The following GBX2 variants were observed in gnomAD, a reference collection of about 807,000 sequenced individuals.
The protein encoded by GBX2 is gastrulation brain homeobox 2.
GBX2 carries 5 observed loss-of-function variants against 22.4 expected under a neutral mutation model. That is an observed-to-expected ratio of 0.22 (90% CI 0.12 to 0.47). The LOEUF is 0.47. GBX2 is among the 20% of genes least tolerant of loss of function. The probability of loss-of-function intolerance (pLI) is 0.99; values close to 1 mark genes in which losing one functional copy is unlikely to be tolerated. For missense variants in GBX2, 470 were observed against 495.4 expected (o/e 0.95, Z 0.49); for synonymous variants, 220 against 230.5 (o/e 0.95, Z 0.41).
chr2:236,165,900 G>A lies in GBX2; in HGVS notation c.*14C>T. ...TTCTCCAGGTGGGTGCCAGGCCCTG[G>A]CCCTTCTGGACCCTCAGGGCCGGGC... On this transcript the variant is annotated 3_prime_UTR_variant, in exon 2 of 2. Coordinates refer to ENST00000306318, the MANE Select transcript of GBX2 (RefSeq NM_001485.4). 6.3e-7 allele frequency: 1 copy of A among 1,596,144 alleles called. No individual in the cohort carries two copies. The highest frequency in any genetic ancestry group is 8.5e-7 in the Non-Finnish European group (1 of 1,170,548).
Position 236,167,770 on chromosome 2 carries a change from CCTGGGGCAGCGCGGG to C in GBX2, c.187_201del (p.Pro63_Gln67del). On this transcript the variant is annotated inframe_deletion, in exon 1 of 2. Coordinates refer to ENST00000306318, the MANE Select transcript of GBX2 (RefSeq NM_001485.4). ...GGCGGCAGCGCTGGCTGCAGCGCGG[CCTGGGGCAGCGCGGG>C]CGGCGGCGGCGGCGGCGGCGGCAGC... is the stretch of plus-strand genomic sequence containing the variant. 1.4e-6 allele frequency: 2 copies of C among 1,439,720 alleles called. No individual in the cohort carries two copies. Among genetic ancestry groups the C allele is most frequent in the South Asian group, 3.1e-5 (2 of 63,826 alleles). The allele number at this position is 1,439,720 out of a possible 1,614,324, so 89.2% of individuals were successfully genotyped here. A position where few individuals can be genotyped will look rare whatever the true frequency, so the allele number is the denominator to read the frequency against.
Position 236,168,036 on chromosome 2 carries a change from C to T in GBX2, c.-65G>A, listed in dbSNP as rs529101212. On this transcript the variant is annotated 5_prime_UTR_variant, in exon 1 of 2. Transcript: ENST00000306318. Reference sequence around the variant, plus strand: ...CCGCGCCGCGCCGCCGCCGGGAAGCCCGCCGGACGCCGGGAGCACCGCCGG... The same window carrying T: ...CCGCGCCGCGCCGCCGCCGGGAAGCTCGCCGGACGCCGGGAGCACCGCCGG... 5.0e-3 allele frequency: 6,725 copies of T among 1,357,144 alleles called. 24 individuals are homozygous for T. Among genetic ancestry groups the T allele is most frequent in the Non-Finnish European group, 5.7e-3 (6,009 of 1,057,752 alleles). The allele number at this position is 1,357,144 out of a possible 1,614,324, so 84.1% of individuals were successfully genotyped here.
Position 236,167,643 on chromosome 2 carries a change from C to A in GBX2, c.329G>T (p.Gly110Val), listed in dbSNP as rs368198659. 5.0e-6 allele frequency: 8 copies of A among 1,593,130 alleles called. No homozygotes were observed. Among genetic ancestry groups the A allele is most frequent in the Non-Finnish European group, 6.8e-6 (8 of 1,174,782 alleles). ...GTGCTGGGGCGACGCGGAGAAGCCG[C>A]CGGGGAGCGTGGCCATGAGCGTAGA... ...LTSTLMATLP[G>V]GFSASPQHQE... The change falls in exon 1 of 2, where the codon GGC becomes GTC. Residue 110 changes from glycine to valine, a missense_variant. Transcript: ENST00000306318.
intron 1 of GBX2, chr2:236,167,209 C>T (rs974791736): frequency 2.0e-6 from 3 of 1,534,180 alleles, no homozygotes; most frequent in African/African-American, 2.7e-5. Flanking sequence ...GATATGTGGC[C>T]CAGGGCAGCA....
intron 1 of GBX2, chr2:236,167,098 C>T: frequency 9.2e-6 from 14 of 1,525,456 alleles, no homozygotes; most frequent in Non-Finnish European, 1.2e-5. Context: ...ACGGCTGAGA[C>T]GCGCAGCCCA....
rs2060235910 is a variant in GBX2, at chr2:236,165,871, G to A, written c.*43C>T. ...CCACCATGGGTTCCCTCGGGTGCGG[G>A]GGCTTCTCCAGGTGGGTGCCAGGCC... On this transcript the variant is annotated 3_prime_UTR_variant, in exon 2 of 2. Transcript: ENST00000306318. The A allele has an allele frequency of 4.0e-6, 6 of 1,507,000 alleles. No individual in the cohort carries two copies. In the South Asian group the frequency reaches 5.0e-5, roughly 12 times the overall value. 93.4% of individuals were successfully genotyped at this position (1,507,000 alleles called of 1,614,324 possible).
In GBX2 at chr2:236,166,627, G is replaced by C. The variant is rs1024095096; in HGVS notation, c.524-190C>G. On this transcript the variant is annotated intron_variant, in intron 1 of 1. Coordinates refer to ENST00000306318, the MANE Select transcript of GBX2 (RefSeq NM_001485.4). The surrounding 1 kb of genome is among the most constrained non-coding windows in gnomAD (Gnocchi z 6.6). ...GGAGGGGTGGGGGGAGCGTGAGAAA[G>C]CTCAAAGGAGAGGAGGCAGTACAGG... 2.6e-5 allele frequency among the ~76,000 whole-genome samples: 4 copies of C among 151,964 alleles called. No homozygotes were observed. Among genetic ancestry groups the C allele is most frequent in the Admixed American group, 1.3e-4 (2 of 15,258 alleles).
chr2:236,167,304 C>G (rs2060245620), intron 1 of GBX2, 145 bp downstream of exon 1: 1 of 1,392,540 alleles, frequency 7.2e-7, no homozygotes, highest in Non-Finnish European at 9.8e-7. Context: ...CCCAGCGGCA[C>G]AGCCGGGCCT....
In GBX2 at chr2:236,168,300, C is replaced by CGTCCGTCT. The variant is rs138852244; in HGVS notation, c.-330_-329insAGACGGAC. Reference sequence around the variant, plus strand: ...CCCGGTAAGCTGCCGTCCGTCCGTCCGTCCCGCCGTCCGTCGCCTCCCGCG... The same window carrying CGTCCGTCT: ...CCCGGTAAGCTGCCGTCCGTCCGTCCGTCCGTCTGTCCCGCCGTCCGTCGCCTCCCGCG... On this transcript the variant is annotated 5_prime_UTR_variant, in exon 1 of 2. Transcript: ENST00000306318. The CGTCCGTCT allele has an allele frequency of 0.39, 68,573 of 173,638 alleles. 15,638 individuals carry two copies. Among genetic ancestry groups the CGTCCGTCT allele is most frequent in the African/African-American group, 0.65 (27,330 of 42,130 alleles). The allele number at this position is 173,638 out of a possible 1,614,324, so 10.8% of individuals were successfully genotyped here.
At chr2:236,164,660 G>T (rs780587410), downstream of GBX2, among the ~76,000 whole-genome samples, 3 of 152,154 alleles carry the variant, frequency 2.0e-5, no homozygotes, top group African/African-American at 4.8e-5. Flanking sequence ...CCGCCCGGAG[G>T]GGGAGGTGCC....
chr2:236,168,140 C>A lies in GBX2; in HGVS notation c.-169G>T, dbSNP rs1376588024. 11 of 658,796 alleles carry A rather than the reference C, an allele frequency of 1.7e-5. No homozygotes were observed. The East Asian group carries it at 2.8e-4, about 17-fold the overall frequency. 40.8% of individuals were successfully genotyped at this position (658,796 alleles called of 1,614,324 possible). A position where few individuals can be genotyped will look rare whatever the true frequency, so the allele number is the denominator to read the frequency against. ...AGTCCTGGGCCCGCTGCATGCCGGGCGGGTGCAGGGGGTGTGCGGGGTGAG... is the reference window on the plus strand; with the variant it reads ...AGTCCTGGGCCCGCTGCATGCCGGGAGGGTGCAGGGGGTGTGCGGGGTGAG... On this transcript the variant is annotated 5_prime_UTR_variant, in exon 1 of 2. Transcript: ENST00000306318.
downstream of GBX2, among the ~76,000 whole-genome samples, chr2:236,162,897 C>A (rs1438202171): frequency 2.6e-5 from 4 of 152,136 alleles, no homozygotes; most frequent in Non-Finnish European, 5.9e-5. Context: ...ATTCTTCAGG[C>A]CCCCCCATCA....
downstream of GBX2, among the ~76,000 whole-genome samples, chr2:236,164,383 C>T (rs2060226460): frequency 1.3e-5 from 2 of 152,132 alleles, no homozygotes; most frequent in Admixed American, 6.5e-5. Flanking sequence ...GCTGAACGCC[C>T]CTGGGCCTGT....
At chr2:236,161,467 T>C (rs900729811), downstream of GBX2, among the ~76,000 whole-genome samples, 1 of 152,226 alleles carries the variant, frequency 6.6e-6, no homozygotes, top group East Asian at 1.9e-4. Context: ...GTTACCAAGA[T>C]CATATTTCTC....
chr2:236,163,886 T>C (rs1020095528), downstream of GBX2, among the ~76,000 whole-genome samples: 5 of 152,164 alleles, frequency 3.3e-5, no homozygotes, highest in Middle Eastern at 3.4e-3. Context: ...ATCCCCTCCC[T>C]GCCAGGCTTC....
downstream of GBX2, among the ~76,000 whole-genome samples, chr2:236,164,252 C>A (rs970444048): frequency 1.3e-5 from 2 of 152,120 alleles, no homozygotes; most frequent in African/African-American, 4.8e-5. Context: ...GCCGCTGCAT[C>A]GCAGCGGCTC....
At position 236,167,882 on chromosome 2, in the gene GBX2, G is replaced by C. The variant is rs1267000455; in HGVS notation, c.90C>G (p.Ser30Arg). Reference protein sequence around the residue: ...TAFSIDSLIGSPPQPSPGHFV... With the variant: ...TAFSIDSLIGRPPQPSPGHFV... ...AATGGCCGGGGCTGGGCTGCGGCGG[G>C]CTGCCGATCAGCGAGTCTATGCTGA... Residue 30 changes from serine (S) to arginine (R), a missense_variant, in exon 1 of 2, where the codon AGC becomes AGG. Transcript: ENST00000306318. The C allele has an allele frequency of 6.4e-7, 1 of 1,552,192 alleles. No individual in the cohort carries two copies. The highest frequency in any genetic ancestry group is 1.9e-5 in the Admixed American group (1 of 53,014).
At position 236,166,595 on chromosome 2, in the gene GBX2, G is replaced by A. The variant is rs1202351012; in HGVS notation, c.524-158C>T. 6.6e-6 allele frequency among the ~76,000 whole-genome samples: 1 copy of A among 151,796 alleles called. No homozygotes were observed. The highest frequency in any genetic ancestry group is 2.4e-5 in the African/African-American group (1 of 41,288). On this transcript the variant is annotated intron_variant, in intron 1 of 1. Transcript: ENST00000306318. The surrounding 1 kb of genome is among the most constrained non-coding windows in gnomAD (Gnocchi z 6.6). ...ACATTGTGATTTCCTGGCCTTTGAGGGGTAGAGGAGGGGTGGGGGGAGCGT... is the reference window on the plus strand; with the variant it reads ...ACATTGTGATTTCCTGGCCTTTGAGAGGTAGAGGAGGGGTGGGGGGAGCGT...
Position 236,165,724 on chromosome 2 carries a change from T to C in GBX2, c.*190A>G. 1.7e-6 allele frequency: 1 copy of C among 589,654 alleles called. No individual in the cohort carries two copies. Among genetic ancestry groups the C allele is most frequent in the Non-Finnish European group, 3.0e-6 (1 of 331,522 alleles). The allele number at this position is 589,654 out of a possible 1,614,324, so 36.5% of individuals were successfully genotyped here. On this transcript the variant is annotated 3_prime_UTR_variant, in exon 2 of 2. Transcript: ENST00000306318. ...AGTATAATAAATATTTAGCGTGTCTTCTGGTGTGGCTGTAAGCCCCTTCAA... is the reference window on the plus strand; with the variant it reads ...AGTATAATAAATATTTAGCGTGTCTCCTGGTGTGGCTGTAAGCCCCTTCAA...
Sources: allele counts gnomAD v4.1 joint callset (sites outside exome capture counted in the v4.1 genomes callset), GRCh38; gene constraint gnomAD v4.1.1; non-coding constraint Gnocchi (gnomAD v3.1); transcripts MANE v1.5; gene names NCBI Gene and HGNC (gene_info 2026-07-23, HGNC 2026-07-21).